The following KIFAP3 variants were observed in gnomAD, a reference collection of about 807,000 sequenced individuals.
KIFAP3 encodes the protein kinesin-associated protein 3.
In KIFAP3, 68 loss-of-function variants were observed where a neutral mutation model predicts 106.5. The ratio of observed to expected loss-of-function variants is 0.64; its 90% confidence interval spans 0.53 to 0.78. The LOEUF is 0.78. Among genes scored for constraint, KIFAP3 ranks in the 30% least tolerant of loss-of-function variants. The pLI is 0.00. For synonymous variants in KIFAP3, 320 were observed against 311.5 expected (o/e 1.03, Z -0.29); for missense variants, 780 against 941.8 (o/e 0.83, Z 2.25).
At chr1:169,984,875 TGAACTCTTA>T (rs1188225040) in intron 11 of KIFAP3, among the ~76,000 whole-genome samples, 185 bp from the exon 12 acceptor site, 2 of 151,894 alleles carry the variant, frequency 1.3e-5, no homozygotes, top group Non-Finnish European at 2.9e-5. Flanking sequence ...AAACAGTTAA[TGAACTCTTA>T]GATGCTCAGC....
At chr1:170,082,797 A>AC (rs113608990) in intron 1 of KIFAP3, among the ~76,000 whole-genome samples, 6,995 of 151,990 alleles carry the variant, frequency 0.046, 544 homozygotes, top group African/African-American at 0.16. Context: ...ACATAGTGAA[A>AC]CCCCATCTCT....
intron 19 of KIFAP3, among the ~76,000 whole-genome samples, chr1:169,927,378 TA>T (rs1176986116): frequency 6.6e-6 from 1 of 152,202 alleles, no homozygotes; most frequent in Non-Finnish European, 1.5e-5. Context: ...TATAAATTGC[TA>T]CAGAAGAAAA....
At chr1:169,999,868 C>A (rs1404322659) in intron 10 of KIFAP3, among the ~76,000 whole-genome samples, 1 of 152,040 alleles carries the variant, frequency 6.6e-6, no homozygotes, top group Non-Finnish European at 1.5e-5. Flanking sequence ...AAAGTACATT[C>A]AAGAGTTTAT....
intron 19 of KIFAP3, among the ~76,000 whole-genome samples, chr1:169,942,917 C>CCCA (rs1553273136): frequency 1.2e-4 from 13 of 106,388 alleles, no homozygotes; most frequent in African/African-American, 4.5e-4. Flanking sequence ...GACGCCCCCC[C>CCCA]CCACCCCTTT....
intron 11 of KIFAP3, among the ~76,000 whole-genome samples, chr1:169,985,786 A>G (rs1372046053): frequency 6.9e-6 from 1 of 145,564 alleles, no homozygotes; most frequent in Non-Finnish European, 1.5e-5. Flanking sequence ...TAAGAGAAAA[A>G]GAAAGAGGGT....
At chr1:169,964,842 T>C (rs1334527547) in intron 17 of KIFAP3, among the ~76,000 whole-genome samples, 2 of 152,212 alleles carry the variant, frequency 1.3e-5, no homozygotes, top group African/African-American at 4.8e-5. Context: ...TTAAGATTCA[T>C]ATAACTTCAC....
At chr1:169,995,965 T>A (rs16862902) in intron 10 of KIFAP3, among the ~76,000 whole-genome samples, 15,819 of 152,020 alleles carry the variant, frequency 0.1, 975 homozygotes, top group East Asian at 0.18. Context: ...ATAAAGGGTA[T>A]CTGTTAGAAC....
chr1:170,082,340 T>C (rs890463898), intron 1 of KIFAP3, among the ~76,000 whole-genome samples: 1 of 152,166 alleles, frequency 6.6e-6, no homozygotes, highest in African/African-American at 2.4e-5. Context: ...TTTGATTCCA[T>C]TTATAAGAAA....
intron 11 of KIFAP3, among the ~76,000 whole-genome samples, chr1:169,989,823 T>C (rs904850834): frequency 4.6e-5 from 7 of 152,090 alleles, no homozygotes; most frequent in Admixed American, 4.6e-4. Flanking sequence ...AGCAAATCAC[T>C]TTTAGTACTG....
chr1:170,067,563 C>G (rs1671505462), intron 1 of KIFAP3: 1 of 152,250 alleles, frequency 6.6e-6, no homozygotes, highest in Admixed American at 6.5e-5. Flanking sequence ...AGCCCACGTT[C>G]CCACTGTTAA....
At chr1:169,956,729 G>GTAGC (rs1215438669) in intron 18 of KIFAP3, among the ~76,000 whole-genome samples, 1 of 150,704 alleles carries the variant, frequency 6.6e-6, no homozygotes, top group Admixed American at 6.6e-5. Context: ...ATCCTCCTGA[G>GTAGC]TAGCTGGGAC....
intron 16 of KIFAP3, among the ~76,000 whole-genome samples, chr1:169,973,105 G>GTATATATATATATATATA (rs1553278126): frequency 7.8e-5 from 7 of 90,302 alleles, no homozygotes; most frequent in South Asian, 4.7e-4. Flanking sequence ...AAAATAGTGT[G>GTATATATATATATATATA]TATATATATA....
At chr1:169,926,680 TGTACACACACAC>T (rs1663156074) in intron 19 of KIFAP3, among the ~76,000 whole-genome samples, 1 of 151,066 alleles carries the variant, frequency 6.6e-6, no homozygotes, top group East Asian at 1.9e-4. Context: ...CAGTTGTGTG[TGTACACACACAC>T]ACACACACAC....
At position 170,038,450 on chromosome 1, in the gene KIFAP3, A is replaced by C; in HGVS notation, c.376-19T>G. 3 of 1,604,478 alleles carry C rather than the reference A, an allele frequency of 1.9e-6. No homozygotes were observed. Among genetic ancestry groups the C allele is most frequent in the Non-Finnish European group, 2.5e-6 (3 of 1,176,934 alleles). The stretch of plus-strand genomic sequence containing the variant: ...CATCAATCTGAAACAAAGAGGCAGA[A>C]AGTACTCATCAACAATGCTCAACAG... On this transcript the variant is annotated intron_variant, in intron 4 of 19. Coordinates refer to ENST00000361580, the MANE Select transcript of KIFAP3 (RefSeq NM_014970.4).
At position 170,024,418 on chromosome 1, in the gene KIFAP3, C is replaced by A; in HGVS notation, c.1020G>T (p.Met340Ile). 1 of 1,543,700 alleles carries A rather than the reference C, an allele frequency of 6.5e-7. No homozygotes were observed. Among genetic ancestry groups the A allele is most frequent in the Non-Finnish European group, 8.8e-7 (1 of 1,142,330 alleles). The change falls in exon 9 of 20, where the codon ATG becomes ATT. Residue 340 changes from methionine (M) to isoleucine (I), a missense_variant and splice_region_variant. Met to Ile is a conservative substitution (Grantham distance 10). Around this residue, in one of 3 missense-constraint regions of KIFAP3, gnomAD observed 588 missense variants for 678.9 expected, o/e 0.87. Coordinates refer to ENST00000361580, the MANE Select transcript of KIFAP3 (RefSeq NM_014970.4). ...LSIFMENKNDMVEMDIVEKLV... is the reference protein window; with the variant it reads ...LSIFMENKNDIVEMDIVEKLV... ...TTCAAGAAAAAGCTTTGTAAGTTAC[C>A]ATATCATTTTTATTCTCCATAAAAA...
chr1:170,009,898 G>GT (rs1211382649), intron 10 of KIFAP3, among the ~76,000 whole-genome samples: 1 of 152,006 alleles, frequency 6.6e-6, no homozygotes, highest in Non-Finnish European at 1.5e-5. Context: ...TTTTAAAAAC[G>GT]TAACACTATA....
At chr1:169,944,917 A>G (rs898103149) in intron 19 of KIFAP3, among the ~76,000 whole-genome samples, 3 of 151,618 alleles carry the variant, frequency 2.0e-5, no homozygotes, top group African/African-American at 7.3e-5. Context: ...TGGGTGGGAG[A>G]CTCCACCTGG....
intron 9 of KIFAP3, among the ~76,000 whole-genome samples, chr1:170,020,548 C>T (rs150480578): frequency 7.2e-5 from 11 of 152,118 alleles, no homozygotes; most frequent in Non-Finnish European, 5.9e-5. Context: ...CCAGGGTTCA[C>T]GCCATTCTCC....
intron 16 of KIFAP3, among the ~76,000 whole-genome samples, chr1:169,977,153 T>C (rs1353563713): frequency 6.6e-6 from 1 of 152,234 alleles, no homozygotes; most frequent in African/African-American, 2.4e-5. Flanking sequence ...TCTGTTTAGA[T>C]GGTCAAAGCT....
Sources: allele counts gnomAD v4.1 joint callset (sites outside exome capture counted in the v4.1 genomes callset), GRCh38; gene constraint gnomAD v4.1.1; regional missense constraint gnomAD v4.1.1; transcripts MANE v1.5; gene names NCBI Gene and HGNC (gene_info 2026-07-23, HGNC 2026-07-21).